PPP2R3A: variants seen among roughly 807,000 people sequenced by gnomAD.
PPP2R3A encodes the protein protein phosphatase 2 regulatory subunit B''alpha.
A neutral mutation model predicts 106.9 loss-of-function variants in PPP2R3A; 80 were observed. That is an observed-to-expected ratio of 0.75 (90% CI 0.62 to 0.90). The LOEUF (loss-of-function observed/expected upper bound fraction) is 0.90, where lower values mean the gene tolerates loss of function less well. Ranked by LOEUF, PPP2R3A falls within the 40% of genes least tolerant of loss-of-function variation. The pLI, the probability that PPP2R3A is intolerant of heterozygous loss-of-function variation, is 0.00. For missense variants in PPP2R3A, 1,386 were observed against 1,350.4 expected (o/e 1.03, Z -0.41); for synonymous variants, 483 against 468.3 (o/e 1.03, Z -0.41).
chr3:136,046,645 G>T (rs1935480998), intron 4 of PPP2R3A, among the ~76,000 whole-genome samples: 1 of 152,270 alleles, frequency 6.6e-6, no homozygotes, highest in South Asian at 2.1e-4. Flanking sequence ...AGGAACACCT[G>T]CCCTCACAGA....
Position 136,003,149 on chromosome 3 carries a change from C to T in PPP2R3A, c.1651C>T (p.Leu551Phe). Residue 551 changes from leucine to phenylalanine, a missense_variant, in exon 2 of 14, where the codon CTT (leucine) becomes TTT (phenylalanine). Transcript: ENST00000264977. ...NSHSQLTGQT[L>F]VDLEPKSKVS... is the part of the protein sequence containing the mutation. ...TCACAGTCAGTTGACCGGTCAGACC[C>T]TTGTAGATCTTGAGCCTAAATCTAA... 1 of 1,613,792 alleles carries T rather than the reference C, an allele frequency of 6.2e-7. No individual in the cohort carries two copies. Among genetic ancestry groups the T allele is most frequent in the Non-Finnish European group, 8.5e-7 (1 of 1,179,794 alleles).
At chr3:136,076,755 T>A (rs574970495) in intron 6 of PPP2R3A, among the ~76,000 whole-genome samples, 2 of 152,250 alleles carry the variant, frequency 1.3e-5, no homozygotes, top group East Asian at 3.9e-4. Context: ...GAGACCATCC[T>A]GGCTAACACA....
chr3:136,109,125 T>C (rs1937559402), intron 13 of PPP2R3A, among the ~76,000 whole-genome samples: 1 of 152,068 alleles, frequency 6.6e-6, no homozygotes, highest in African/African-American at 2.4e-5. Flanking sequence ...AAGAAAAAAA[T>C]AGTGTAACTG....
chr3:136,097,090 T>A (rs1451286922), intron 10 of PPP2R3A, among the ~76,000 whole-genome samples: 1 of 152,184 alleles, frequency 6.6e-6, no homozygotes, highest in African/African-American at 2.4e-5. Context: ...AATCTAACAC[T>A]AGTGCTCTCT....
At chr3:136,025,388 C>T (rs1038489344) in intron 2 of PPP2R3A, among the ~76,000 whole-genome samples, 2 of 152,002 alleles carry the variant, frequency 1.3e-5, no homozygotes, top group African/African-American at 4.8e-5. Flanking sequence ...CATCCTGATA[C>T]TGTAGCAAAG....
At chr3:136,008,043 C>T (rs535080891) in intron 2 of PPP2R3A, among the ~76,000 whole-genome samples, 1 of 152,294 alleles carries the variant, frequency 6.6e-6, no homozygotes, top group African/African-American at 2.4e-5. Flanking sequence ...TAGGTTTCCT[C>T]ATTGTTTAGA....
intron 3 of PPP2R3A, among the ~76,000 whole-genome samples, chr3:136,035,700 C>T (rs945174786): frequency 5.9e-5 from 9 of 152,254 alleles, no homozygotes; most frequent in Middle Eastern, 3.4e-3. Flanking sequence ...TGAGAGTGTG[C>T]CTAGGCAGTG....
chr3:136,055,064 T>G (rs1361594438), intron 5 of PPP2R3A: 1 of 351,948 alleles, frequency 2.8e-6, no homozygotes, highest in Non-Finnish European at 5.1e-6. Context: ...TATAAACATT[T>G]CAATATTTTA....
intron 5 of PPP2R3A, among the ~76,000 whole-genome samples, chr3:136,063,441 G>C (rs1936149012): frequency 6.6e-6 from 1 of 152,170 alleles, no homozygotes; most frequent in South Asian, 2.1e-4. Flanking sequence ...TTAAAGTAAA[G>C]AGCTTCTGCA....
At chr3:136,032,494 T>C (rs9877082) in intron 3 of PPP2R3A, among the ~76,000 whole-genome samples, 38,397 of 150,938 alleles carry the variant, frequency 0.25, 5,348 homozygotes, top group Non-Finnish European at 0.32. Flanking sequence ...AATTTGACTT[T>C]CTCTTTTTTT....
intron 13 of PPP2R3A, chr3:136,106,654 G>T: frequency 3.9e-6 from 1 of 258,018 alleles, no homozygotes; most frequent in Non-Finnish European, 7.4e-6. Context: ...GGGCACGGTG[G>T]CTCACGCCTG....
At chr3:135,981,978 A>C (rs1490447988) in intron 1 of PPP2R3A, among the ~76,000 whole-genome samples, 1 of 151,792 alleles carries the variant, frequency 6.6e-6, no homozygotes, top group African/African-American at 2.4e-5. Flanking sequence ...CTGCTTGCAG[A>C]ATGACTGGAG....
In PPP2R3A at chr3:136,102,057, C is replaced by T; in HGVS notation, c.2978C>T (p.Ser993Phe). The change falls in exon 11 of 14, where the codon TCC becomes TTC. Residue 993 changes from serine to phenylalanine, a missense_variant. Ser to Phe is a radical substitution (Grantham distance 155). Coordinates refer to ENST00000264977, the MANE Select transcript of PPP2R3A (RefSeq NM_002718.5). ...CMDVDGDGVL[S>F]MYELEYFYEE... ...GATGTGGATGGAGACGGTGTACTCTCCATGTATGAGCTGGAGTACTTCTAT... is the reference window on the plus strand; with the variant it reads ...GATGTGGATGGAGACGGTGTACTCTTCATGTATGAGCTGGAGTACTTCTAT... The T allele has an allele frequency of 6.2e-7, 1 of 1,614,010 alleles. No homozygotes were observed. The highest frequency in any genetic ancestry group is 1.7e-4 in the Middle Eastern group (1 of 6,054).
intron 13 of PPP2R3A, among the ~76,000 whole-genome samples, chr3:136,113,248 T>C (rs2107986324): frequency 6.6e-6 from 1 of 152,234 alleles, no homozygotes; most frequent in Middle Eastern, 3.4e-3. Flanking sequence ...CAAAACAGCA[T>C]GGTGCTGATA....
At chr3:136,112,788 C>T (rs770914130) in intron 13 of PPP2R3A, among the ~76,000 whole-genome samples, 1 of 152,084 alleles carries the variant, frequency 6.6e-6, no homozygotes, top group Admixed American at 6.6e-5. Context: ...AGTGCTATTC[C>T]TATCATACTA....
At chr3:135,977,687 T>TC in intron 1 of PPP2R3A, among the ~76,000 whole-genome samples, 1 of 132,190 alleles carries the variant, frequency 7.6e-6, no homozygotes, top group African/African-American at 3.0e-5. Context: ...TGATCAGCAT[T>TC]CTTTTTTTTT....
At chr3:136,009,436 T>C (rs1489534293) in intron 2 of PPP2R3A, among the ~76,000 whole-genome samples, 1 of 152,156 alleles carries the variant, frequency 6.6e-6, no homozygotes, top group Non-Finnish European at 1.5e-5. Flanking sequence ...TGACACACTT[T>C]TCAATATTAC....
chr3:136,102,071 G>GAGTA lies in PPP2R3A; in HGVS notation c.2993_2996dup (p.Tyr999Ter). 6.2e-7 allele frequency: 1 copy of GAGTA among 1,614,086 alleles called. No homozygotes were observed. The highest frequency in any genetic ancestry group is 8.5e-7 in the Non-Finnish European group (1 of 1,180,000). On this transcript the variant is annotated stop_gained and frameshift_variant, in exon 11 of 14. Coordinates refer to ENST00000264977, the MANE Select transcript of PPP2R3A (RefSeq NM_002718.5). LOFTEE classifies it high-confidence loss of function. ...CGGTGTACTCTCCATGTATGAGCTG[G>GAGTA]AGTACTTCTATGAGGAGCAGTGTGA... is the stretch of plus-strand genomic sequence containing the variant.
intron 10 of PPP2R3A, among the ~76,000 whole-genome samples, chr3:136,100,400 C>T (rs370989697): frequency 3.3e-5 from 5 of 151,612 alleles, no homozygotes; most frequent in Non-Finnish European, 7.4e-5. Context: ...CCAGGCTAGG[C>T]GCCGTGGCTC....
Sources: allele counts gnomAD v4.1 joint callset (sites outside exome capture counted in the v4.1 genomes callset), GRCh38; gene constraint gnomAD v4.1.1; transcripts MANE v1.5; gene names NCBI Gene and HGNC (gene_info 2026-07-23, HGNC 2026-07-21).